KIAA1549L: variants seen among roughly 807,000 people sequenced by gnomAD.
The protein encoded by KIAA1549L is UPF0606 protein KIAA1549L.
In KIAA1549L, 88 loss-of-function variants were observed where a neutral mutation model predicts 160.7. The ratio of observed to expected loss-of-function variants is 0.55; its 90% CI spans 0.46 to 0.65. The LOEUF (loss-of-function observed/expected upper bound fraction) is 0.65, where lower values mean the gene tolerates loss of function less well. Among genes scored for constraint, KIAA1549L ranks in the 30% least tolerant of loss-of-function variants. The pLI is 0.00. For missense variants in KIAA1549L, 2,258 were observed against 2,437.5 expected (o/e 0.93, Z 1.55); for synonymous variants, 950 against 976.7 (o/e 0.97, Z 0.51).
chr11:33,390,263 G>A (rs1424076856), intron 1 of KIAA1549L, among the ~76,000 whole-genome samples: 3 of 152,202 alleles, frequency 2.0e-5, no homozygotes, highest in Non-Finnish European at 4.4e-5. Flanking sequence ...TTGCCCTCCA[G>A]GATATTAAGA....
At chr11:33,604,141 A>G (rs761217837) in intron 13 of KIAA1549L, among the ~76,000 whole-genome samples, 91 of 152,218 alleles carry the variant, frequency 6.0e-4, no homozygotes, top group Non-Finnish European at 8.7e-4. Context: ...CCCAGCACCT[A>G]GCAACCTGAA....
At chr11:33,648,863 T>C (rs1399964103) in intron 17 of KIAA1549L, among the ~76,000 whole-genome samples, 1 of 152,192 alleles carries the variant, frequency 6.6e-6, no homozygotes, top group Non-Finnish European at 1.5e-5. Flanking sequence ...CTAGACTCTT[T>C]ACAGATGGAA....
chr11:33,668,914 G>A lies in KIAA1549L; in HGVS notation c.*760G>A, dbSNP rs1852579113. The A allele has an allele frequency of 6.6e-6, 1 of 152,226 alleles. No individual in the cohort carries two copies. Among genetic ancestry groups the A allele is most frequent in the African/African-American group, 2.4e-5 (1 of 41,452 alleles). 9.4% of individuals were successfully genotyped at this position (152,226 alleles called of 1,614,324 possible). Reference sequence around the variant, plus strand: ...AGGATCTAACTGAAAGAGAATCGGTGCTAAGAGCTTTTAGGATCCTACAAA... The same window carrying A: ...AGGATCTAACTGAAAGAGAATCGGTACTAAGAGCTTTTAGGATCCTACAAA... On this transcript the variant is annotated 3_prime_UTR_variant, in exon 21 of 21. Transcript: ENST00000658780.
At chr11:33,524,235 C>T (rs926676989) in intron 1 of KIAA1549L, among the ~76,000 whole-genome samples, 1 of 151,970 alleles carries the variant, frequency 6.6e-6, no homozygotes, top group African/African-American at 2.4e-5. Flanking sequence ...AACTTTTTGC[C>T]AGAGTTGCAG....
intron 14 of KIAA1549L, among the ~76,000 whole-genome samples, chr11:33,609,005 C>T (rs150876446): frequency 9.0e-4 from 137 of 152,330 alleles, no homozygotes; most frequent in African/African-American, 3.3e-3. Context: ...AGTTCGGAAA[C>T]GTTGGTGTGA....
intron 1 of KIAA1549L, among the ~76,000 whole-genome samples, chr11:33,486,949 A>AT (rs1314531871): frequency 6.6e-6 from 1 of 152,206 alleles, no homozygotes; most frequent in African/African-American, 2.4e-5. Flanking sequence ...CAAACACTTT[A>AT]TGGACCCATG....
chr11:33,377,138 G>T (rs1211536882), intron 1 of KIAA1549L, among the ~76,000 whole-genome samples: 1 of 152,170 alleles, frequency 6.6e-6, no homozygotes, highest in Non-Finnish European at 1.5e-5. Context: ...CCGCAGGCAC[G>T]CTTTATTTAG....
At chr11:33,616,360 T>G (rs889703117) in intron 15 of KIAA1549L, among the ~76,000 whole-genome samples, 1 of 152,150 alleles carries the variant, frequency 6.6e-6, no homozygotes, top group Non-Finnish European at 1.5e-5. Flanking sequence ...GCAAAAGCCC[T>G]GAGACTCAGT....
intron 16 of KIAA1549L, among the ~76,000 whole-genome samples, chr11:33,621,566 A>G (rs1850958738): frequency 6.6e-6 from 1 of 152,228 alleles, no homozygotes; most frequent in Admixed American, 6.5e-5. Context: ...ATGTCAGCCT[A>G]ATGTGTAAAA....
rs1424250442 is a variant in KIAA1549L, at chr11:33,543,347, T to C, written c.1784T>C (p.Val595Ala). The C allele has an allele frequency of 6.2e-7, 1 of 1,614,082 alleles. No homozygotes were observed. The highest frequency in any genetic ancestry group is 2.2e-5 in the East Asian group (1 of 44,890). The change falls in exon 2 of 21, where the codon GTA (valine) becomes GCA (alanine). Residue 595 changes from valine (V) to alanine (A), a missense_variant. Transcript: ENST00000658780. ...PRKEVLSLHTVNGFVSDFSTG... is the reference protein window; with the variant it reads ...PRKEVLSLHTANGFVSDFSTG... ...AAAGAGGTTTTGAGTCTTCACACTG[T>C]AAATGGATTTGTCTCTGATTTCAGC...
chr11:33,583,356 C>A lies in KIAA1549L; in HGVS notation c.4421C>A (p.Pro1474His), dbSNP rs368185700. Residue 1474 changes from proline to histidine, a missense_variant, in exon 11 of 21, where the codon CCC becomes CAC. Around this residue, in one of 6 missense-constraint regions of KIAA1549L, gnomAD observed 1,359 missense variants for 1,546.6 expected, o/e 0.88. Coordinates refer to ENST00000658780, the MANE Select transcript of KIAA1549L (RefSeq NM_012194.3). ...LQADPVVKNP[P>H]NNLWIIAAVL... ...CCCACAGCCGTGGTGAAGAACCCGC[C>A]CAATAACCTGTGGATCATCGCTGCA... 1.9e-6 allele frequency: 3 copies of A among 1,605,898 alleles called. 1 individual carries two copies. In the Middle Eastern group the frequency reaches 5.0e-4, roughly 266 times the overall value.
At chr11:33,432,741 G>A (rs1032079852) in intron 1 of KIAA1549L, among the ~76,000 whole-genome samples, 28 of 152,266 alleles carry the variant, frequency 1.8e-4, no homozygotes, top group African/African-American at 4.6e-4. Flanking sequence ...GAGACATATA[G>A]ACCAATGAAG....
intron 1 of KIAA1549L, among the ~76,000 whole-genome samples, chr11:33,459,960 C>CAAAAAAAAAAAAAAAAAAAAAAAAAAA (rs61580338): frequency 1.5e-5 from 1 of 67,190 alleles, no homozygotes; most frequent in African/African-American, 7.4e-5. Flanking sequence ...GACTCCGTCT[C>CAAAAAAAAAAAAAAAAAAAAAAAAAAA]AAAAAAAAAA....
At chr11:33,556,221 A>G (rs1854642258) in intron 6 of KIAA1549L, among the ~76,000 whole-genome samples, 1 of 152,238 alleles carries the variant, frequency 6.6e-6, no homozygotes, top group Non-Finnish European at 1.5e-5. Flanking sequence ...AATGTCAAAT[A>G]GTGCATCCCC....
At chr11:33,661,523 G>A (rs138340326) in intron 20 of KIAA1549L, among the ~76,000 whole-genome samples, 131 of 152,240 alleles carry the variant, frequency 8.6e-4, no homozygotes, top group African/African-American at 2.6e-3. Flanking sequence ...TATTAAATTC[G>A]TTTCTTTTAG....
chr11:33,652,460 ATC>A (rs967121251), intron 17 of KIAA1549L, among the ~76,000 whole-genome samples: 26 of 152,110 alleles, frequency 1.7e-4, no homozygotes, highest in African/African-American at 6.0e-4. Context: ...ACCTGGCAAA[ATC>A]TTCAAGAAGG....
At chr11:33,469,439 T>G (rs1301323890) in intron 1 of KIAA1549L, among the ~76,000 whole-genome samples, 1 of 152,206 alleles carries the variant, frequency 6.6e-6, no homozygotes, top group Non-Finnish European at 1.5e-5. Flanking sequence ...AACATGTGAA[T>G]TTTTTCCACT....
intron 1 of KIAA1549L, among the ~76,000 whole-genome samples, chr11:33,389,832 A>T (rs2134045645): frequency 6.6e-6 from 1 of 152,332 alleles, no homozygotes; most frequent in African/African-American, 2.4e-5. Flanking sequence ...GAGGGTTGAG[A>T]AAGTGATTTG....
At chr11:33,582,563 T>A (rs1361332568) in intron 10 of KIAA1549L, among the ~76,000 whole-genome samples, 1 of 152,176 alleles carries the variant, frequency 6.6e-6, no homozygotes, top group Admixed American at 6.5e-5. Context: ...TGTCAATACT[T>A]TTTCCTGTCT....
Sources: allele counts gnomAD v4.1 joint callset (sites outside exome capture counted in the v4.1 genomes callset), GRCh38; gene constraint gnomAD v4.1.1; regional missense constraint gnomAD v4.1.1; transcripts MANE v1.5; gene names NCBI Gene and HGNC (gene_info 2026-07-23, HGNC 2026-07-21).